ERGIC1: variants seen among roughly 807,000 people sequenced by gnomAD.
The protein encoded by ERGIC1 is endoplasmic reticulum-Golgi intermediate compartment protein 1.
Under a neutral mutation model 38.3 loss-of-function variants are expected in ERGIC1, and 19 were observed. The ratio of observed to expected loss-of-function variants is 0.50; its 90% CI spans 0.35 to 0.73. The LOEUF (loss-of-function observed/expected upper bound fraction) is 0.73, where lower values mean the gene tolerates loss of function less well. Among genes scored for constraint, ERGIC1 ranks in the 30% least tolerant of loss-of-function variants. The pLI, the probability that ERGIC1 is intolerant of heterozygous loss-of-function variation, is 0.01. For synonymous variants in ERGIC1, 124 were observed against 157.6 expected, an observed-to-expected ratio of 0.79 and a Z score of 1.60; for missense variants, 294 against 389.2, an observed-to-expected ratio of 0.76 and a Z score of 2.06.
chr5:172,916,632 A>G (rs1763371695), intron 5 of ERGIC1: 1 of 152,260 alleles, frequency 6.6e-6, no homozygotes, highest in Admixed American at 6.5e-5. Context: ...GTGCAGAGAG[A>G]AAGCACTTCC....
intron 1 of ERGIC1, among the ~76,000 whole-genome samples, chr5:172,874,902 G>T (rs942536188): frequency 6.7e-6 from 1 of 149,512 alleles, no homozygotes. Flanking sequence ...TCCAGCCTGG[G>T]CAAGAGTGAG....
chr5:172,936,006 C>T (rs540573323), intron 9 of ERGIC1: 13 of 152,364 alleles, frequency 8.5e-5, no homozygotes, highest in Admixed American at 5.2e-4. Context: ...ATCCCTACTT[C>T]ACAGATTTGG....
chr5:172,941,310 A>T (rs1023969945), intron 9 of ERGIC1, among the ~76,000 whole-genome samples: 2 of 152,130 alleles, frequency 1.3e-5, no homozygotes, highest in African/African-American at 4.8e-5. Flanking sequence ...GAAAAAAGTG[A>T]TCATATAGCT....
intron 2 of ERGIC1, among the ~76,000 whole-genome samples, chr5:172,890,750 T>C (rs1762539252): frequency 6.6e-6 from 1 of 152,172 alleles, no homozygotes; most frequent in South Asian, 2.1e-4. Flanking sequence ...CCCTAGTGCC[T>C]GGTGTGGGAG....
intron 9 of ERGIC1, among the ~76,000 whole-genome samples, chr5:172,949,661 G>GA (rs1024377142): frequency 7.9e-5 from 12 of 151,736 alleles, no homozygotes; most frequent in South Asian, 2.1e-4. Context: ...GTGGCGGGGG[G>GA]GGGTATGATT....
intron 3 of ERGIC1, among the ~76,000 whole-genome samples, chr5:172,909,253 T>TC: frequency 7.1e-6 from 1 of 141,282 alleles, no homozygotes; most frequent in South Asian, 2.4e-4. Flanking sequence ...CACTGCAACC[T>TC]CAGCCTCCTG....
rs115918640 is a variant in ERGIC1, at chr5:172,882,162, G to A, written c.21-6537G>A. Among the ~76,000 whole-genome samples, 891 of 152,260 alleles carry A rather than the reference G, an allele frequency of 5.9e-3. 6 individuals are homozygous for A. The highest frequency in any genetic ancestry group is 0.017 in the African/African-American group (691 of 41,546). On this transcript the variant is annotated intron_variant, in intron 1 of 9. Coordinates refer to ENST00000393784, the MANE Select transcript of ERGIC1 (RefSeq NM_001031711.3). Reference sequence around the variant, plus strand: ...CTGCTGCCCAGCGTGGCTCTGTGGCGTGGGAATGGAGTCAGTATTACAGTA... The same window carrying A: ...CTGCTGCCCAGCGTGGCTCTGTGGCATGGGAATGGAGTCAGTATTACAGTA...
Position 172,889,893 on chromosome 5 carries a change from C to T in ERGIC1, c.82+1133C>T, listed in dbSNP as rs531011610. On this transcript the variant is annotated intron_variant, in intron 2 of 9. Transcript: ENST00000393784. ...TTGAGCAACATGTTGGCACTGAAAA[C>T]GTTTCAAATTTTGGAGCACTTAGGA... is the stretch of plus-strand genomic sequence containing the variant. Among the ~76,000 whole-genome samples the T allele has an allele frequency of 5.3e-5, 8 of 152,300 alleles. No homozygotes were observed. The South Asian group carries it at 1.2e-3, about 24-fold the overall frequency.
chr5:172,893,254 TCTC>T (rs1762612852), intron 2 of ERGIC1, among the ~76,000 whole-genome samples: 2 of 152,090 alleles, frequency 1.3e-5, no homozygotes, highest in Non-Finnish European at 2.9e-5. Context: ...TTCAAGTGGT[TCTC>T]CTGTCTCAGC....
chr5:172,947,656 GTCAC>G (rs1764152782), intron 9 of ERGIC1, among the ~76,000 whole-genome samples: 1 of 152,204 alleles, frequency 6.6e-6, no homozygotes, highest in Admixed American at 6.5e-5. Flanking sequence ...CAGGCTTGCA[GTCAC>G]TCACCCTGTG....
chr5:172,845,583 C>A (rs1439239154), intron 1 of ERGIC1, among the ~76,000 whole-genome samples: 1 of 152,198 alleles, frequency 6.6e-6, no homozygotes, highest in African/African-American at 2.4e-5. Context: ...ACAGACAACC[C>A]CTGCCCTGCA....
chr5:172,879,343 G>A (rs1038942702), intron 1 of ERGIC1, among the ~76,000 whole-genome samples: 6 of 152,214 alleles, frequency 3.9e-5, no homozygotes, highest in African/African-American at 1.2e-4. Flanking sequence ...GATGTGGCCC[G>A]GAAAGTGGGT....
chr5:172,935,463 C>A, intron 9 of ERGIC1, 153 bp downstream of exon 9: 1 of 925,138 alleles, frequency 1.1e-6, no homozygotes. Context: ...GCTTCGACCC[C>A]AAGGATGCTG....
chr5:172,841,814 A>G (rs1200223201), intron 1 of ERGIC1, among the ~76,000 whole-genome samples: 1 of 152,222 alleles, frequency 6.6e-6, no homozygotes, highest in African/African-American at 2.4e-5. Flanking sequence ...CCTTACAGAC[A>G]GATACAATGA....
intron 1 of ERGIC1, among the ~76,000 whole-genome samples, chr5:172,859,068 C>G (rs1761630314): frequency 6.6e-6 from 1 of 152,198 alleles, no homozygotes; most frequent in Non-Finnish European, 1.5e-5. Context: ...GGCGCCCTTA[C>G]CGGGGAGGGC....
chr5:172,844,912 G>A (rs1761247790), intron 1 of ERGIC1, among the ~76,000 whole-genome samples: 4 of 152,234 alleles, frequency 2.6e-5, no homozygotes. Context: ...TGTGACAACA[G>A]TAGTGCCCAC....
chr5:172,908,108 T>C (rs1390858336), intron 3 of ERGIC1, among the ~76,000 whole-genome samples: 1 of 151,474 alleles, frequency 6.6e-6, no homozygotes, highest in Non-Finnish European at 1.5e-5. Context: ...CTGTCCCTGA[T>C]GTGTGTGGCC....
chr5:172,867,905 A>G (rs1454512830), intron 1 of ERGIC1, among the ~76,000 whole-genome samples: 1 of 152,138 alleles, frequency 6.6e-6, no homozygotes, highest in Non-Finnish European at 1.5e-5. Context: ...TCTCCCTAGG[A>G]GGGAGACGTA....
intron 2 of ERGIC1, among the ~76,000 whole-genome samples, chr5:172,890,210 G>T (rs1297462224): frequency 6.6e-6 from 1 of 152,172 alleles, no homozygotes; most frequent in South Asian, 2.1e-4. Context: ...CCACAGTTCA[G>T]TCTAATCATA....
Sources: allele counts gnomAD v4.1 joint callset (sites outside exome capture counted in the v4.1 genomes callset), GRCh38; gene constraint gnomAD v4.1.1; transcripts MANE v1.5; gene names NCBI Gene and HGNC (gene_info 2026-07-23, HGNC 2026-07-21).